CCT5: variants seen among roughly 807,000 people sequenced by gnomAD.
CCT5 encodes T-complex protein 1 subunit epsilon.
Under a neutral mutation model 55.0 loss-of-function variants are expected in CCT5, and 6 were observed. That is an observed-to-expected ratio of 0.11 (90% CI 0.06 to 0.22). The LOEUF (loss-of-function observed/expected upper bound fraction) is 0.22. Ranked by LOEUF, CCT5 falls within the 10% of genes least tolerant of loss-of-function variation. The pLI, the probability that CCT5 is intolerant of heterozygous loss-of-function variation, is 1.00. For missense variants in CCT5, 560 were observed against 694.6 expected (o/e 0.81, Z 2.18); for synonymous variants, 231 against 243.7 (o/e 0.95, Z 0.49).
Position 10,261,641 on chromosome 5 carries a change from G to C in CCT5, c.1075G>C (p.Val359Leu). The change falls in exon 8 of 11, where the codon GTA becomes CTA. Residue 359 changes from valine (V) to leucine (L), a missense_variant. Val to Leu is a conservative substitution (Grantham distance 32, BLOSUM62 1). Transcript: ENST00000280326. ...CGAGAAGCTGGGCTTTGCTGGTCTTGTACAGGAGATCTCATTTGGGACAAC... is the reference window on the plus strand; with the variant it reads ...CGAGAAGCTGGGCTTTGCTGGTCTTCTACAGGAGATCTCATTTGGGACAAC... ...TAEKLGFAGLVQEISFGTTKD... is the reference protein window; with the variant it reads ...TAEKLGFAGLLQEISFGTTKD... 6.2e-7 allele frequency: 1 copy of C among 1,614,186 alleles called. No individual in the cohort carries two copies. Among genetic ancestry groups the C allele is most frequent in the Non-Finnish European group, 8.5e-7 (1 of 1,180,036 alleles).
chr5:10,260,274 CG>C (rs909523608), intron 6 of CCT5, among the ~76,000 whole-genome samples: 2 of 152,122 alleles, frequency 1.3e-5, no homozygotes, highest in African/African-American at 4.8e-5. Context: ...ATTTGCAGGT[CG>C]GGGTGAGGGT....
At chr5:10,262,834 T>G (rs1746032391) in intron 9 of CCT5, among the ~76,000 whole-genome samples, 1 of 152,216 alleles carries the variant, frequency 6.6e-6, no homozygotes, top group Non-Finnish European at 1.5e-5. Flanking sequence ...AGTTCGTCCT[T>G]GAAATAATAA....
chr5:10,259,174 A>G (rs1745829686), intron 6 of CCT5, among the ~76,000 whole-genome samples: 1 of 152,216 alleles, frequency 6.6e-6, no homozygotes, highest in South Asian at 2.1e-4. Context: ...TTAAACCAGA[A>G]TGCACTCATA....
At chr5:10,259,638 GA>G (rs1745856868) in intron 6 of CCT5, among the ~76,000 whole-genome samples, 1 of 152,214 alleles carries the variant, frequency 6.6e-6, no homozygotes, top group South Asian at 2.1e-4. Context: ...GCTGAGGACA[GA>G]TGGGGATGCT....
chr5:10,262,319 T>C, intron 8 of CCT5, 162 bp from the exon 9 acceptor site: 1 of 782,162 alleles, frequency 1.3e-6, no homozygotes, highest in Non-Finnish European at 2.1e-6. Flanking sequence ...TTTTGTTAAC[T>C]ACATTGCAGG....
intron 1 of CCT5, 115 bp downstream of exon 1, chr5:10,250,560 A>G: frequency 6.5e-6 from 10 of 1,527,348 alleles, no homozygotes; most frequent in Non-Finnish European, 7.0e-6. Context: ...AAAGGTCGAG[A>G]ATCTCCGTCT....
At chr5:10,263,568 A>G (rs139404884) in intron 10 of CCT5, among the ~76,000 whole-genome samples, 34 of 152,336 alleles carry the variant, frequency 2.2e-4, no homozygotes, top group African/African-American at 7.0e-4. Flanking sequence ...TTAGGTTTTA[A>G]TCTCTGGTTT....
intron 8 of CCT5, chr5:10,262,023 C>T (rs753759394): frequency 4.7e-6 from 2 of 429,974 alleles, no homozygotes; most frequent in Non-Finnish European, 8.6e-6. Context: ...TATTCAAGTC[C>T]TGGATTTTAG....
chr5:10,255,900 TA>T, intron 3 of CCT5, 54 bp from the exon 4 acceptor site: 2 of 1,509,474 alleles, frequency 1.3e-6, no homozygotes, highest in East Asian at 2.3e-5. Context: ...CTGATTATAC[TA>T]AAAGTGAAGT....
intron 7 of CCT5, chr5:10,261,143 T>G (rs1579455456): frequency 3.5e-6 from 2 of 568,378 alleles, no homozygotes; most frequent in East Asian, 6.7e-5. Context: ...GTTGTCTCAC[T>G]TGGCCCTGTC....
chr5:10,251,486 A>G (rs1745410476), intron 1 of CCT5, among the ~76,000 whole-genome samples: 1 of 152,184 alleles, frequency 6.6e-6, no homozygotes, highest in African/African-American at 2.4e-5. Context: ...TGAATTCATA[A>G]TAGACCATTC....
chr5:10,262,911 G>C (rs554713498), intron 9 of CCT5, among the ~76,000 whole-genome samples: 31 of 152,208 alleles, frequency 2.0e-4, no homozygotes, highest in African/African-American at 7.5e-4. Context: ...AAAGCCATAA[G>C]AGCTGCTGTA....
intron 10 of CCT5, 25 bp downstream of exon 10, chr5:10,263,339 TGGA>T (rs531549616): frequency 2.4e-6 from 1 of 420,250 alleles, no homozygotes; most frequent in Admixed American, 5.5e-5. Flanking sequence ...CGCCTCTGCG[TGGA>T]GGGGGGGGGA....
chr5:10,260,645 T>TG, intron 6 of CCT5, 147 bp from the exon 7 acceptor site: 2 of 816,558 alleles, frequency 2.4e-6, no homozygotes, highest in South Asian at 2.8e-5. Context: ...AGTGGACACT[T>TG]GTCTATTTCC....
intron 10 of CCT5, 71 bp downstream of exon 10, chr5:10,263,385 A>AT: frequency 7.4e-7 from 1 of 1,359,438 alleles, no homozygotes; most frequent in East Asian, 2.3e-5. Flanking sequence ...CATCCACTGT[A>AT]TGTGCTGTGA....
rs989054307 is a variant in CCT5, at chr5:10,266,163, G to C, written c.*1380G>C. The C allele has an allele frequency of 3.9e-5, 6 of 152,172 alleles. No individual in the cohort carries two copies. Among genetic ancestry groups the C allele is most frequent in the Non-Finnish European group, 8.8e-5 (6 of 68,034 alleles). The allele number at this position is 152,172 out of a possible 1,614,324, so 9.4% of individuals were successfully genotyped here. On this transcript the variant is annotated 3_prime_UTR_variant, in exon 11 of 11. Transcript: ENST00000280326. ...AGTTTATTTACAAGGACTGAGTCTAGCCTACAGAGAACATACAGCAGCCTT... is the reference window on the plus strand; with the variant it reads ...AGTTTATTTACAAGGACTGAGTCTACCCTACAGAGAACATACAGCAGCCTT...
intron 4 of CCT5, among the ~76,000 whole-genome samples, chr5:10,257,188 C>T (rs1299582943): frequency 6.6e-6 from 1 of 152,182 alleles, no homozygotes; most frequent in Non-Finnish European, 1.5e-5. Flanking sequence ...GCTTCTGTTG[C>T]CTTTTCCCCT....
At chr5:10,258,636 CAT>C in intron 6 of CCT5, 101 bp downstream of exon 6, 1 of 1,165,552 alleles carries the variant, frequency 8.6e-7, no homozygotes, top group Admixed American at 1.8e-5. Context: ...AGTTCTAAAA[CAT>C]ACACAGGAAA....
At position 10,256,050 on chromosome 5, in the gene CCT5, G is replaced by C; in HGVS notation, c.427G>C (p.Val143Leu). Residue 143 changes from valine (V) to leucine (L), a missense_variant, in exon 4 of 11, where the codon GTT becomes CTT. Val to Leu is a conservative substitution (Grantham distance 32). Coordinates refer to ENST00000280326, the MANE Select transcript of CCT5 (RefSeq NM_012073.5). ...IADGYEQAAR[V>L]AIEHLDKISD... is the part of the protein sequence containing the mutation. ...CGATGGCTATGAGCAGGCTGCTCGTGTTGCTATTGAACACCTGGACAAGAT... is the reference window on the plus strand; with the variant it reads ...CGATGGCTATGAGCAGGCTGCTCGTCTTGCTATTGAACACCTGGACAAGAT... 3 of 1,614,054 alleles carry C rather than the reference G, an allele frequency of 1.9e-6. No individual in the cohort carries two copies. Among genetic ancestry groups the C allele is most frequent in the Non-Finnish European group, 2.5e-6 (3 of 1,179,924 alleles).
Sources: gnomAD v4.1 joint callset for allele counts (sites outside exome capture counted in the v4.1 genomes callset) on GRCh38, gnomAD v4.1.1 for gene constraint, MANE v1.5 for transcripts, NCBI Gene and HGNC (gene_info 2026-07-23, HGNC 2026-07-21) for gene names.